PRKDC: variants seen among roughly 807,000 people sequenced by gnomAD.
PRKDC encodes DNA-dependent protein kinase catalytic subunit.
A neutral mutation model predicts 486.9 loss-of-function variants in PRKDC; 82 were observed. That is an observed-to-expected ratio of 0.17 (90% CI 0.14 to 0.20). PRKDC has a LOEUF of 0.20. PRKDC is among the 10% of genes least tolerant of loss of function. PRKDC has a pLI of 1.00. For synonymous variants in PRKDC, 1,895 were observed against 1,837.0 expected, an observed-to-expected ratio of 1.03 and a Z score of -0.81; for missense variants, 4,504 against 5,038.2, an observed-to-expected ratio of 0.89 and a Z score of 3.21.
rs1589748446 is a variant in PRKDC at position 47,859,714 on chromosome 8, G to A, written c.6104C>T (p.Thr2035Ile). The change falls in exon 46 of 86, where the codon ACC (threonine) becomes ATC (isoleucine). Residue 2035 changes from threonine (T) to isoleucine (I), a missense_variant. Thr to Ile is a moderately conservative substitution (Grantham distance 89, BLOSUM62 -1). Transcript: ENST00000314191. ...AAATTGACTCATTTCCTCACTCAGG[G>A]TACTGTCTGCCAAATATGACAGGGA... ...MSSLSYLADS[T>I]LSEEMSQFDF... 4.3e-6 allele frequency: 7 copies of A among 1,613,666 alleles called. No homozygotes were observed. The East Asian group carries it at 1.6e-4, about 36-fold the overall frequency.
In PRKDC at chr8:47,789,211, T is replaced by C; in HGVS notation, c.10698A>G (p.Gly3566=). The C allele has an allele frequency of 6.3e-7, 1 of 1,595,902 alleles. No individual in the cohort carries two copies. Among genetic ancestry groups the C allele is most frequent in the African/African-American group, 1.3e-5 (1 of 74,380 alleles). The change falls in exon 75 of 86, where the codon GGA becomes GGG. Residue 3566 remains glycine, a synonymous_variant. Transcript: ENST00000314191. ...ARIKSKLDQG[G]VIQDFINALD... is the part of the protein sequence containing the mutation. The stretch of plus-strand genomic sequence containing the variant: ...AGGCATTAATAAAATCTTGAATCAC[T>C]CCTCCTTGATCCAACTTACTTTTAA...
At chr8:47,861,012 A>G in intron 44 of PRKDC, 41 bp from the exon 45 acceptor site, 3 of 1,321,322 alleles carry the variant, frequency 2.3e-6, no homozygotes, top group Non-Finnish European at 3.1e-6. Context: ...ACATTTTATA[A>G]TAATAGTGAT....
intron 54 of PRKDC, among the ~76,000 whole-genome samples, chr8:47,842,386 C>A (rs952224814): frequency 6.6e-6 from 1 of 152,114 alleles, no homozygotes; most frequent in East Asian, 1.9e-4. Flanking sequence ...AAAAAAAATT[C>A]TTCTAGTATC....
At chr8:47,794,542 T>A in intron 73 of PRKDC, 41 bp from the exon 74 acceptor site, 1 of 1,450,710 alleles carries the variant, frequency 6.9e-7, no homozygotes, top group Non-Finnish European at 9.5e-7. Context: ...GTAAAACATC[T>A]CACATCATCT....
intron 22 of PRKDC, 135 bp from the exon 23 acceptor site, chr8:47,915,553 T>A (rs748301182): frequency 1.8e-6 from 1 of 560,236 alleles, no homozygotes. Context: ...TTTGGCAGGA[T>A]CCTTTCCACT....
chr8:47,848,969 A>G (rs977019814), intron 54 of PRKDC, among the ~76,000 whole-genome samples, 185 bp downstream of exon 54: 2 of 152,356 alleles, frequency 1.3e-5, no homozygotes, highest in East Asian at 3.9e-4. Flanking sequence ...CCAAGGGAGC[A>G]GAGAGCAGGC....
At chr8:47,799,549 G>A (rs2087054817) in intron 71 of PRKDC, among the ~76,000 whole-genome samples, 159 bp from the exon 72 acceptor site, 1 of 152,218 alleles carries the variant, frequency 6.6e-6, no homozygotes, top group Non-Finnish European at 1.5e-5. Flanking sequence ...TGGCTGTGAA[G>A]GAGCAAGCAA....
intron 85 of PRKDC, among the ~76,000 whole-genome samples, chr8:47,775,475 G>A (rs1183407732): frequency 6.9e-6 from 1 of 145,364 alleles, no homozygotes; most frequent in Non-Finnish European, 1.5e-5. Context: ...GGGTTCAAGT[G>A]ATTCTCCTGC....
chr8:47,869,219 TC>T lies in PRKDC; in HGVS notation c.5364-4457del, dbSNP rs927957467. ...CACTATGGGAGTGCTTGGCCATGCC[TC>T]CCCAAACCCAAGTAGTACAGCTTGC... On this transcript the variant is annotated intron_variant, in intron 40 of 85. Coordinates refer to ENST00000314191, the MANE Select transcript of PRKDC (RefSeq NM_006904.7). Among the ~76,000 whole-genome samples the T allele has an allele frequency of 6.7e-4, 102 of 151,846 alleles. 1 individual carries two copies. The highest frequency in any genetic ancestry group is 2.4e-3 in the African/African-American group (98 of 41,418).
chr8:47,937,514 G>A (rs964997653), intron 11 of PRKDC, among the ~76,000 whole-genome samples: 2 of 152,130 alleles, frequency 1.3e-5, no homozygotes, highest in Non-Finnish European at 2.9e-5. Context: ...CCACACCAGA[G>A]CCATTTTTTC....
rs1051456044 is a variant in PRKDC, at chr8:47,774,000, C to A, written c.*173G>T. On this transcript the variant is annotated 3_prime_UTR_variant, in exon 86 of 86. Coordinates refer to ENST00000314191, the MANE Select transcript of PRKDC (RefSeq NM_006904.7). Reference sequence around the variant, plus strand: ...ACTATAACCTTATCTTTGATTTAACCCATACACATTTACTCATCATAATCT... The same window carrying A: ...ACTATAACCTTATCTTTGATTTAACACATACACATTTACTCATCATAATCT... 2 of 622,358 alleles carry A rather than the reference C, an allele frequency of 3.2e-6. No homozygotes were observed. The highest frequency in any genetic ancestry group is 1.8e-5 in the African/African-American group (1 of 54,576). 38.6% of individuals were successfully genotyped at this position (622,358 alleles called of 1,614,324 possible).
In PRKDC at chr8:47,789,225, A is replaced by C; in HGVS notation, c.10684T>G (p.Leu3562Val). The C allele has an allele frequency of 6.3e-7, 1 of 1,585,274 alleles. No homozygotes were observed. Among genetic ancestry groups the C allele is most frequent in the Admixed American group, 1.8e-5 (1 of 54,174 alleles). The change falls in exon 75 of 86, where the codon TTG becomes GTG. Residue 3562 changes from leucine (L) to valine (V), a missense_variant. Leu to Val is a conservative substitution (Grantham distance 32, BLOSUM62 1). Transcript: ENST00000314191. The stretch of plus-strand genomic sequence containing the variant: ...TCTTGAATCACTCCTCCTTGATCCA[A>C]CTTACTTTTAATCCTATTTAAAAAA... ...KEFVARIKSK[L>V]DQGGVIQDFI... is the part of the protein sequence containing the mutation.
chr8:47,881,429 T>A lies in PRKDC; in HGVS notation c.5054A>T (p.Asp1685Val). Residue 1685 changes from aspartate to valine, a missense_variant, in exon 38 of 86, where the codon GAT becomes GTT. Asp to Val is a radical substitution (Grantham distance 152). This residue lies in a region of PRKDC where 1,969 missense variants were observed against 2,068.9 expected (regional missense o/e 0.95). Transcript: ENST00000314191. ...TTCACTGTTTACCTTTAAATGTAGA[T>A]CCAGCTTTGTGTCAGCAAGTAGACT... ...YISLLADTKL[D>V]LHLKGQAVTL... The A allele has an allele frequency of 2.6e-6, 4 of 1,539,722 alleles. No individual in the cohort carries two copies. Among genetic ancestry groups the A allele is most frequent in the Non-Finnish European group, 3.6e-6 (4 of 1,116,140 alleles).
In PRKDC at chr8:47,933,073, T is replaced by G; in HGVS notation, c.1723A>C (p.Ile575Leu). ...AGTGTAAGATCCAATTTCTCAACAA[T>G]CTTCAAAACGGATTTTACAAATTCA... is the stretch of plus-strand genomic sequence containing the variant. ...YDEFVKSVLK[I>L]VEKLDLTLEI... The change falls in exon 16 of 86, where the codon ATT becomes CTT. Residue 575 changes from isoleucine to leucine, a missense_variant. Coordinates refer to ENST00000314191, the MANE Select transcript of PRKDC (RefSeq NM_006904.7). 6.3e-7 allele frequency: 1 copy of G among 1,595,756 alleles called. No individual in the cohort carries two copies. Among genetic ancestry groups the G allele is most frequent in the Non-Finnish European group, 8.5e-7 (1 of 1,172,830 alleles).
Position 47,953,714 on chromosome 8 carries a change from T to C in PRKDC, c.627A>G (p.Thr209=). 1 of 1,611,194 alleles carries C rather than the reference T, an allele frequency of 6.2e-7. No homozygotes were observed. Among genetic ancestry groups the C allele is most frequent in the Non-Finnish European group, 8.5e-7 (1 of 1,178,708 alleles). The part of the protein sequence containing the change: ...AFLGELKTQM[T]SAVREPKLPV... ...GTAGTTTGGGCTCTCTTACTGCTGATGTCATCTAAAAGAAAAGATTTAAGA... is the reference window on the plus strand; with the variant it reads ...GTAGTTTGGGCTCTCTTACTGCTGACGTCATCTAAAAGAAAAGATTTAAGA... The change falls in exon 7 of 86, where the codon ACA becomes ACG. Residue 209 remains threonine (T), a synonymous_variant. Transcript: ENST00000314191.
chr8:47,881,561 A>T, intron 37 of PRKDC, 41 bp from the exon 38 acceptor site: 1 of 1,019,734 alleles, frequency 9.8e-7, no homozygotes, highest in South Asian at 1.6e-5. Context: ...TTTGTATATT[A>T]CATCTCTATT....
chr8:47,864,524 ACTT>A, intron 41 of PRKDC, 29 bp downstream of exon 41: 1 of 1,565,936 alleles, frequency 6.4e-7, no homozygotes, highest in Non-Finnish European at 8.7e-7. Flanking sequence ...TAGGCTGCTC[ACTT>A]CTTATTACTG....
Position 47,849,391 on chromosome 8 carries a change from G to T in PRKDC, c.7118C>A (p.Pro2373His), listed in dbSNP as rs371859022. The T allele has an allele frequency of 6.2e-7, 1 of 1,613,916 alleles. No homozygotes were observed. Among genetic ancestry groups the T allele is most frequent in the Non-Finnish European group, 8.5e-7 (1 of 1,179,918 alleles). Residue 2373 changes from proline to histidine, a missense_variant, in exon 53 of 86, where the codon CCT becomes CAT. Physicochemically the swap from Pro to His is moderately conservative, Grantham distance 77. This residue lies in a region of PRKDC where 1,592 missense variants were observed against 1,724.6 expected (regional missense o/e 0.92). Coordinates refer to ENST00000314191, the MANE Select transcript of PRKDC (RefSeq NM_006904.7). ...CLNKVTKSFP[P>H]LADRFMNAVF... ...GGACAGCCCATACCTGTCTGCAAGA[G>T]GAGGGAAGCTCTTGGTCACTTTGTT...
intron 25 of PRKDC, 111 bp downstream of exon 25, chr8:47,912,299 G>T: frequency 8.2e-7 from 1 of 1,216,724 alleles, no homozygotes; most frequent in Non-Finnish European, 1.1e-6. Context: ...CAGTCAGGGA[G>T]CAGTATCGTT....
Sources: allele counts gnomAD v4.1 joint callset (sites outside exome capture counted in the v4.1 genomes callset), GRCh38; gene constraint gnomAD v4.1.1; regional missense constraint gnomAD v4.1.1; transcripts MANE v1.5; gene names NCBI Gene and HGNC (gene_info 2026-07-23, HGNC 2026-07-21).